Variants in KBTBD11 observed in about 807,000 individuals in gnomAD.
KBTBD11 encodes the protein kelch repeat and BTB domain-containing protein 11.
For synonymous variants in KBTBD11, 747 were observed against 499.0 expected (o/e 1.50, Z -6.63); for missense variants, 1,390 against 1,001.8 (o/e 1.39, Z -5.23).
Position 2,002,608 on chromosome 8 carries a change from G to A in KBTBD11, c.1416G>A (p.Lys472=), listed in dbSNP as rs1466076044. The change falls in exon 2 of 2, where the codon AAG becomes AAA. Residue 472 remains lysine, a synonymous_variant. Coordinates refer to ENST00000320248, the MANE Select transcript of KBTBD11 (RefSeq NM_014867.3). This position sits in a 1 kb window ranked among gnomAD's most constrained non-coding sequence, Gnocchi z 4.1. ...GCTCCCTCTTCTATCGCCTGCTCAA[G>A]TATGACCCGCGGCGCGACGAGTGGC... ...SGGSLFYRLL[K]YDPRRDEWQE... is the part of the protein sequence containing the mutation. The A allele has an allele frequency of 1.3e-6, 2 of 1,585,138 alleles. No individual in the cohort carries two copies. Among genetic ancestry groups the A allele is most frequent in the African/African-American group, 1.4e-5 (1 of 73,370 alleles).
In KBTBD11 at chr8:2,006,032, CG is replaced by C. The variant is rs1456753867; in HGVS notation, c.*2971del. The C allele has an allele frequency of 1.2e-5, 2 of 167,090 alleles. No individual in the cohort carries two copies. The highest frequency in any genetic ancestry group is 1.3e-4 in the Admixed American group (2 of 15,286). 10.4% of individuals were successfully genotyped at this position (167,090 alleles called of 1,614,324 possible). On this transcript the variant is annotated 3_prime_UTR_variant, in exon 2 of 2. Transcript: ENST00000320248. ...CTTTGTAGAGCTGGATTTGGAACTT[CG>C]GGATTTGGTTTCTGAGTCTGTGGAG...
chr8:1,990,314 C>G (rs1467193959), intron 1 of KBTBD11, among the ~76,000 whole-genome samples: 1 of 143,322 alleles, frequency 7.0e-6, no homozygotes, highest in Non-Finnish European at 1.5e-5. Flanking sequence ...CGGGTGGGTA[C>G]TGGGCCTTGG....
intron 1 of KBTBD11, among the ~76,000 whole-genome samples, chr8:1,975,734 G>A (rs1480111359): frequency 6.6e-6 from 1 of 152,232 alleles, no homozygotes; most frequent in Non-Finnish European, 1.5e-5. Flanking sequence ...AAATTCCCAG[G>A]GAGCAGGACT....
chr8:2,001,853 C>T lies in KBTBD11; in HGVS notation c.661C>T (p.Gln221Ter), dbSNP rs1817378266. 3 of 1,259,842 alleles carry T rather than the reference C, an allele frequency of 2.4e-6. No individual in the cohort carries two copies. The highest frequency in any genetic ancestry group is 3.0e-6 in the Non-Finnish European group (3 of 999,782). The allele number at this position is 1,259,842 out of a possible 1,614,324, so 78.0% of individuals were successfully genotyped here. A position where few individuals can be genotyped will look rare whatever the true frequency, so the allele number is the denominator to read the frequency against. ...CCGCCTGCAGCTGCCCGGCGCCGCG[C>T]AGCGCGCCACCGACGCCGTGGGGCC... ...ARRLQLPGAA[Q>*]RATDAVGPQL... is the part of the protein sequence containing the mutation. Residue 221 changes from glutamine to a stop codon, truncating the protein, a stop_gained, in exon 2 of 2, where the codon CAG becomes TAG. Coordinates refer to ENST00000320248, the MANE Select transcript of KBTBD11 (RefSeq NM_014867.3). LOFTEE classifies it low-confidence loss of function (END_TRUNC).
intron 1 of KBTBD11, among the ~76,000 whole-genome samples, chr8:1,995,418 G>A (rs572992882): frequency 1.3e-5 from 2 of 152,302 alleles, no homozygotes; most frequent in East Asian, 3.9e-4. Context: ...CAAGGAAAAT[G>A]TATTTCCTGA....
intron 1 of KBTBD11, among the ~76,000 whole-genome samples, chr8:1,979,219 C>T (rs1321506244): frequency 6.6e-6 from 1 of 152,216 alleles, no homozygotes; most frequent in African/African-American, 2.4e-5. Flanking sequence ...AGTCCCTCCT[C>T]CTCGGGAACC....
chr8:1,997,562 C>T (rs1817189363), intron 1 of KBTBD11, among the ~76,000 whole-genome samples: 1 of 152,256 alleles, frequency 6.6e-6, no homozygotes, highest in African/African-American at 2.4e-5. Flanking sequence ...GTGAGACCAT[C>T]TCCCGGAAGG....
rs984701892 is a variant in KBTBD11 at position 1,997,647 on chromosome 8, A to G, written c.-908-2638A>G. 2.6e-5 allele frequency among the ~76,000 whole-genome samples: 4 copies of G among 152,238 alleles called. No homozygotes were observed. The East Asian group carries it at 7.7e-4, about 29-fold the overall frequency. ...TGCAGCCTTGCTGCTGCTACTCAAC[A>G]GCGTAGCTGAAGATCTTGGTGTCAG... On this transcript the variant is annotated intron_variant, in intron 1 of 1. Coordinates refer to ENST00000320248, the MANE Select transcript of KBTBD11 (RefSeq NM_014867.3).
chr8:2,003,140 CGTG>C lies in KBTBD11; in HGVS notation c.*81_*83del. 8.0e-7 allele frequency: 1 copy of C among 1,247,532 alleles called. No individual in the cohort carries two copies. The highest frequency in any genetic ancestry group is 1.0e-6 in the Non-Finnish European group (1 of 988,674). 77.3% of individuals were successfully genotyped at this position (1,247,532 alleles called of 1,614,324 possible). A position where few individuals can be genotyped will look rare whatever the true frequency, so the allele number is the denominator to read the frequency against. On this transcript the variant is annotated 3_prime_UTR_variant, in exon 2 of 2. Coordinates refer to ENST00000320248, the MANE Select transcript of KBTBD11 (RefSeq NM_014867.3). ...GTCCCTTTGGGCCCGCGGAGGAGGA[CGTG>C]GTGGGGAGTCGGGGCCGCTGGCCAC...
At chr8:1,992,146 G>C (rs1816942544) in intron 1 of KBTBD11, among the ~76,000 whole-genome samples, 1 of 152,128 alleles carries the variant, frequency 6.6e-6, no homozygotes, top group Non-Finnish European at 1.5e-5. Flanking sequence ...CCACCAGGAA[G>C]AGGGGCAGGT....
chr8:2,000,136 C>T lies in KBTBD11; in HGVS notation c.-908-149C>T, dbSNP rs540865592. 2.0e-5 allele frequency: 3 copies of T among 152,322 alleles called. No homozygotes were observed. In the South Asian group the frequency reaches 6.2e-4, roughly 32 times the overall value. The allele number at this position is 152,322 out of a possible 1,614,324, so 9.4% of individuals were successfully genotyped here. ...TTCTGCATGTCCTATTCATCAAACT[C>T]TCCAGCAGAGAAAAATCACAACCCC... On this transcript the variant is annotated intron_variant, in intron 1 of 1. Coordinates refer to ENST00000320248, the MANE Select transcript of KBTBD11 (RefSeq NM_014867.3).
Position 2,000,729 on chromosome 8 carries a change from T to C in KBTBD11, c.-464T>C, listed in dbSNP as rs12676812. 0.94 allele frequency: 145,343 copies of C among 154,622 alleles called. 68,339 individuals carry two copies. Among genetic ancestry groups the C allele is most frequent in the East Asian group, 1 (5,326 of 5,348 alleles). 9.6% of individuals were successfully genotyped at this position (154,622 alleles called of 1,614,324 possible). A position where few individuals can be genotyped will look rare whatever the true frequency, so the allele number is the denominator to read the frequency against. Reference sequence around the variant, plus strand: ...AGGGCGCACCCAATACCTGGTTATCTGGTACTGCAGAGAGACACCTAGTCA... The same window carrying C: ...AGGGCGCACCCAATACCTGGTTATCCGGTACTGCAGAGAGACACCTAGTCA... On this transcript the variant is annotated 5_prime_UTR_variant, in exon 2 of 2. Transcript: ENST00000320248.
At position 2,001,583 on chromosome 8, in the gene KBTBD11, C is replaced by G. The variant is rs1461035478; in HGVS notation, c.391C>G (p.Pro131Ala). 1.4e-6 allele frequency: 2 copies of G among 1,454,930 alleles called. No homozygotes were observed. Among genetic ancestry groups the G allele is most frequent in the Admixed American group, 2.6e-5 (1 of 38,840 alleles). 90.1% of individuals were successfully genotyped at this position (1,454,930 alleles called of 1,614,324 possible). A position where few individuals can be genotyped will look rare whatever the true frequency, so the allele number is the denominator to read the frequency against. The change falls in exon 2 of 2, where the codon CCG becomes GCG. Residue 131 changes from proline (P) to alanine (A), a missense_variant. Physicochemically the swap from Pro to Ala is conservative, Grantham distance 27. Transcript: ENST00000320248. Reference protein sequence around the residue: ...EEPGEPAPVPPGFGAVYGEPD... With the variant: ...EEPGEPAPVPAGFGAVYGEPD... ...GCCCGGGGAGCCCGCGCCCGTACCC[C>G]CGGGGTTCGGGGCGGTGTACGGGGA...
In KBTBD11 at chr8:2,003,333, C is replaced by G. The variant is rs1817470203; in HGVS notation, c.*269C>G. On this transcript the variant is annotated 3_prime_UTR_variant, in exon 2 of 2. Transcript: ENST00000320248. ...CAGGACACAGAGAAGGCTGTGGGAT[C>G]CAAAGGGTCAGCCTCAGGGTACAGT... is the stretch of plus-strand genomic sequence containing the variant. 2 of 390,012 alleles carry G rather than the reference C, an allele frequency of 5.1e-6. No individual in the cohort carries two copies. The highest frequency in any genetic ancestry group is 5.0e-5 in the Admixed American group (1 of 19,904). 24.2% of individuals were successfully genotyped at this position (390,012 alleles called of 1,614,324 possible).
Position 2,001,507 on chromosome 8 carries a change from G to A in KBTBD11, c.315G>A (p.Ala105=), listed in dbSNP as rs1817354469. The change falls in exon 2 of 2, where the codon GCG becomes GCA. Residue 105 remains alanine, a synonymous_variant. Transcript: ENST00000320248. ...GCGCGTGCCCGGAAGAGCCCGCGGCGCCGTCCCCCGAACCGCGCGTTTGGC... is the reference window on the plus strand; with the variant it reads ...GCGCGTGCCCGGAAGAGCCCGCGGCACCGTCCCCCGAACCGCGCGTTTGGC... The part of the protein sequence containing the change: ...EERACPEEPA[A]PSPEPRVWLE... 8 of 1,397,550 alleles carry A rather than the reference G, an allele frequency of 5.7e-6. No homozygotes were observed. The highest frequency in any genetic ancestry group is 6.5e-6 in the Non-Finnish European group (7 of 1,081,616). The allele number at this position is 1,397,550 out of a possible 1,614,324, so 86.6% of individuals were successfully genotyped here. A position where few individuals can be genotyped will look rare whatever the true frequency, so the allele number is the denominator to read the frequency against.
intron 1 of KBTBD11, chr8:1,975,764 G>C (rs535695736): frequency 2.6e-5 from 4 of 152,176 alleles, no homozygotes; most frequent in Non-Finnish European, 5.9e-5. Flanking sequence ...CTGATGTCTG[G>C]GCCTAACTTG....
At chr8:1,979,015 G>C (rs543789638) in intron 1 of KBTBD11, among the ~76,000 whole-genome samples, 3 of 152,176 alleles carry the variant, frequency 2.0e-5, no homozygotes, top group Non-Finnish European at 4.4e-5. Flanking sequence ...GTAGGCCCTC[G>C]TGCTGGTCAG....
chr8:1,982,928 G>A (rs1302479394), intron 1 of KBTBD11, among the ~76,000 whole-genome samples: 2 of 152,162 alleles, frequency 1.3e-5, no homozygotes, highest in African/African-American at 4.8e-5. Flanking sequence ...GTATTGCCAT[G>A]TTGTCCAGGC....
intron 1 of KBTBD11, among the ~76,000 whole-genome samples, chr8:1,983,329 T>C (rs1324917986): frequency 6.6e-6 from 1 of 152,212 alleles, no homozygotes; most frequent in Admixed American, 6.5e-5. Context: ...AGCCAGGATG[T>C]AACAGCCACC....
Sources: allele counts gnomAD v4.1 joint callset (sites outside exome capture counted in the v4.1 genomes callset), GRCh38; gene constraint gnomAD v4.1.1; non-coding constraint Gnocchi (gnomAD v3.1); transcripts MANE v1.5; gene names NCBI Gene and HGNC (gene_info 2026-07-23, HGNC 2026-07-21).